The following PCDH9 variants were observed in gnomAD, a reference collection of about 807,000 sequenced individuals.
The protein encoded by PCDH9 is protocadherin-9.
A neutral mutation model predicts 70.6 loss-of-function variants in PCDH9; 24 were observed. That is an observed-to-expected ratio of 0.34 (90% CI 0.25 to 0.48). The LOEUF (loss-of-function observed/expected upper bound fraction) is 0.48. PCDH9 is among the 20% of genes least tolerant of loss of function. The pLI is 0.99. For missense variants in PCDH9, 1,281 were observed against 1,503.6 expected, an observed-to-expected ratio of 0.85 and a Z score of 2.45; for synonymous variants, 562 against 558.5, an observed-to-expected ratio of 1.01 and a Z score of -0.09.
At chr13:66,962,036 C>T (rs1388102717) in intron 2 of PCDH9, among the ~76,000 whole-genome samples, 1 of 148,992 alleles carries the variant, frequency 6.7e-6, no homozygotes, top group African/African-American at 2.5e-5. Flanking sequence ...GGCGACAGAG[C>T]GAGACCCCAT....
At chr13:66,569,580 A>C (rs1359642393) in intron 4 of PCDH9, among the ~76,000 whole-genome samples, 1 of 152,168 alleles carries the variant, frequency 6.6e-6, no homozygotes, top group African/African-American at 2.4e-5. Context: ...AATTTTTAGG[A>C]TACCATACAA....
chr13:67,075,226 C>T lies in PCDH9; in HGVS notation c.3036+150179G>A, dbSNP rs115225895. ...TCTTTTGAAATTGTTTTGCTCCAAA[C>T]GTAGCCCACATAAATCCAATACATA... is the stretch of plus-strand genomic sequence containing the variant. On this transcript the variant is annotated intron_variant, in intron 2 of 4. Coordinates refer to ENST00000377865, the MANE Select transcript of PCDH9 (RefSeq NM_203487.3). Among the ~76,000 whole-genome samples the T allele has an allele frequency of 7.8e-3, 1,183 of 152,058 alleles. 20 individuals carry two copies. The highest frequency in any genetic ancestry group is 0.026 in the African/African-American group (1,098 of 41,476).
chr13:66,790,589 G>C (rs1047701218), intron 3 of PCDH9, among the ~76,000 whole-genome samples: 3 of 151,972 alleles, frequency 2.0e-5, no homozygotes, highest in African/African-American at 7.2e-5. Context: ...TTGATTTTGT[G>C]TATGGTGTGA....
chr13:66,585,079 T>C (rs1051529320), intron 4 of PCDH9, among the ~76,000 whole-genome samples: 9 of 151,710 alleles, frequency 5.9e-5, no homozygotes, highest in Admixed American at 1.3e-4. Flanking sequence ...GGTATGGGGG[T>C]TCATATTCAG....
chr13:66,618,803 C>A (rs565337907), intron 4 of PCDH9, among the ~76,000 whole-genome samples: 1 of 152,154 alleles, frequency 6.6e-6, no homozygotes, highest in East Asian at 1.9e-4. Context: ...AAGTAAATGC[C>A]ATTTCTCTTT....
intron 4 of PCDH9, among the ~76,000 whole-genome samples, chr13:66,435,300 A>G (rs1454506769): frequency 6.6e-6 from 1 of 152,184 alleles, no homozygotes; most frequent in Non-Finnish European, 1.5e-5. Context: ...GCAAAATAGG[A>G]TATATGACTC....
intron 4 of PCDH9, among the ~76,000 whole-genome samples, chr13:66,423,919 A>C (rs1390852691): frequency 6.6e-6 from 1 of 152,192 alleles, no homozygotes; most frequent in African/African-American, 2.4e-5. Context: ...TTGTATATTT[A>C]GAAAACCCCG....
rs137897728 is a variant in PCDH9, at chr13:66,632,545, G to T, written c.3139-1134C>A. Reference sequence around the variant, plus strand: ...GTCACTCTCAGATGTGACCTAAAGTGTATACATGGTAACTTCAATACATTG... The same window carrying T: ...GTCACTCTCAGATGTGACCTAAAGTTTATACATGGTAACTTCAATACATTG... On this transcript the variant is annotated intron_variant, in intron 3 of 4. Coordinates refer to ENST00000377865, the MANE Select transcript of PCDH9 (RefSeq NM_203487.3). 4.2e-3 allele frequency among the ~76,000 whole-genome samples: 634 copies of T among 152,262 alleles called. 19 individuals are homozygous for T. In the East Asian group the frequency reaches 0.08, roughly 19 times the overall value.
intron 2 of PCDH9, among the ~76,000 whole-genome samples, chr13:67,106,124 A>G (rs2138254014): frequency 6.6e-6 from 1 of 152,308 alleles, no homozygotes; most frequent in East Asian, 1.9e-4. Context: ...CATTAAGTAT[A>G]TAAAGTGTCT....
intron 3 of PCDH9, among the ~76,000 whole-genome samples, chr13:66,734,003 A>G (rs1312957151): frequency 6.6e-6 from 1 of 151,976 alleles, no homozygotes; most frequent in African/African-American, 2.4e-5. Context: ...CCAATAGAGT[A>G]TTTTTGCTTA....
chr13:66,930,474 T>G (rs1402205771), intron 2 of PCDH9, among the ~76,000 whole-genome samples: 1 of 152,156 alleles, frequency 6.6e-6, no homozygotes, highest in Non-Finnish European at 1.5e-5. Flanking sequence ...ATATAGCCTT[T>G]GATCTATAAA....
At chr13:66,679,939 C>A (rs1160933789) in intron 3 of PCDH9, among the ~76,000 whole-genome samples, 1 of 151,848 alleles carries the variant, frequency 6.6e-6, no homozygotes, top group Non-Finnish European at 1.5e-5. Flanking sequence ...AATTAAATTA[C>A]TTTTTTAAAC....
intron 2 of PCDH9, among the ~76,000 whole-genome samples, chr13:67,041,183 T>C (rs1478310899): frequency 6.6e-6 from 1 of 152,188 alleles, no homozygotes; most frequent in East Asian, 1.9e-4. Flanking sequence ...CTGCTGGACA[T>C]AGGGATGATT....
At chr13:66,318,516 C>T (rs1955695814) in intron 4 of PCDH9, among the ~76,000 whole-genome samples, 1 of 152,110 alleles carries the variant, frequency 6.6e-6, no homozygotes, top group Non-Finnish European at 1.5e-5. Context: ...CATCAATATG[C>T]TTTTCAATAA....
At chr13:66,491,797 G>A (rs756261822) in intron 4 of PCDH9, among the ~76,000 whole-genome samples, 4 of 152,008 alleles carry the variant, frequency 2.6e-5, no homozygotes, top group Non-Finnish European at 5.9e-5. Context: ...ACTTGTCATG[G>A]TCCATTTCTC....
At chr13:66,902,793 T>C (rs968453271) in intron 3 of PCDH9, among the ~76,000 whole-genome samples, 2 of 151,716 alleles carry the variant, frequency 1.3e-5, no homozygotes, top group Non-Finnish European at 3.0e-5. Flanking sequence ...AAGTTGTATG[T>C]TATGTGTTTT....
intron 3 of PCDH9, among the ~76,000 whole-genome samples, chr13:66,869,842 G>A (rs971648694): frequency 5.9e-5 from 9 of 152,056 alleles, no homozygotes; most frequent in Non-Finnish European, 1.0e-4. Context: ...CTAAAAGACT[G>A]GGATTAGAGA....
In PCDH9 at chr13:66,749,578, T is replaced by C. The variant is rs1446482678; in HGVS notation, c.3139-118167A>G. 2.0e-5 allele frequency among the ~76,000 whole-genome samples: 3 copies of C among 152,192 alleles called. No homozygotes were observed. The East Asian group carries it at 5.8e-4, about 29-fold the overall frequency. The stretch of plus-strand genomic sequence containing the variant: ...CAGTTTAATTCCAAAATTAGTTATC[T>C]TAACTGCCATAGAAAATTTTCTTTC... On this transcript the variant is annotated intron_variant, in intron 3 of 4. Coordinates refer to ENST00000377865, the MANE Select transcript of PCDH9 (RefSeq NM_203487.3).
chr13:66,829,717 CAAAAAA>C (rs562176354), intron 3 of PCDH9, among the ~76,000 whole-genome samples: 2,154 of 53,038 alleles, frequency 0.041, 15 homozygotes, highest in South Asian at 0.08. Context: ...GACTCCGTCT[CAAAAAA>C]AAAAAAAAAA....
Sources: allele counts gnomAD v4.1 joint callset (sites outside exome capture counted in the v4.1 genomes callset), GRCh38; gene constraint gnomAD v4.1.1; transcripts MANE v1.5; gene names NCBI Gene and HGNC (gene_info 2026-07-23, HGNC 2026-07-21).